POMT1: variants seen among roughly 807,000 people sequenced by gnomAD.
POMT1 encodes the protein protein O-mannosyltransferase 1.
A neutral mutation model predicts 101.6 loss-of-function variants in POMT1; 85 were observed. That is an observed-to-expected ratio of 0.84 (90% CI 0.70 to 1.00). The LOEUF (loss-of-function observed/expected upper bound fraction) is 1.00, where lower values mean the gene tolerates loss of function less well. Among genes scored for constraint, POMT1 ranks in the 50% least tolerant of loss-of-function variants. The pLI is 0.00. For missense variants in POMT1, 857 were observed against 930.4 expected, an observed-to-expected ratio of 0.92 and a Z score of 1.03; for synonymous variants, 371 against 383.0, an observed-to-expected ratio of 0.97 and a Z score of 0.37.
intron 17 of POMT1, 41 bp downstream of exon 17, chr9:131,520,234 C>A (rs1240155366): frequency 6.6e-7 from 1 of 1,524,346 alleles, no homozygotes; most frequent in East Asian, 2.3e-5. Context: ...ATAGATTCAT[C>A]CTGTTTCTTG....
chr9:131,512,591 C>T (rs889304758), intron 11 of POMT1, among the ~76,000 whole-genome samples: 26 of 152,074 alleles, frequency 1.7e-4, no homozygotes, highest in Admixed American at 1.3e-4. Context: ...ACCTGCAGCC[C>T]GAGTGGGCTT....
chr9:131,523,328 T>G lies in POMT1; in HGVS notation c.*222T>G. On this transcript the variant is annotated 3_prime_UTR_variant, in exon 20 of 20. Coordinates refer to ENST00000402686, the MANE Select transcript of POMT1 (RefSeq NM_001077365.2). ...TTCTCGACAATAAAGATATTCCGTG[T>G]CTTTACCCCTGAACTAAGACACAGG... 1 of 611,760 alleles carries G rather than the reference T, an allele frequency of 1.6e-6. No homozygotes were observed. Among genetic ancestry groups the G allele is most frequent in the Non-Finnish European group, 2.9e-6 (1 of 345,316 alleles). 37.9% of individuals were successfully genotyped at this position (611,760 alleles called of 1,614,324 possible).
At chr9:131,507,215 T>G (rs1946049876) in intron 4 of POMT1, 153 bp from the exon 5 acceptor site, 1 of 1,077,418 alleles carries the variant, frequency 9.3e-7, no homozygotes, top group South Asian at 1.3e-5. Context: ...TCACCCATAG[T>G]TTATGCACTC....
chr9:131,507,545 G>T, intron 5 of POMT1, 31 bp downstream of exon 5: 1 of 1,613,204 alleles, frequency 6.2e-7, no homozygotes, highest in South Asian at 1.1e-5. Flanking sequence ...TGCTCTTGCT[G>T]TCATGCAGGG....
rs755854450 is a variant in POMT1, at chr9:131,509,803, A to G, written c.600A>G (p.Ala200=). 16 of 1,614,022 alleles carry G rather than the reference A, an allele frequency of 9.9e-6. No individual in the cohort carries two copies. The highest frequency in any genetic ancestry group is 3.3e-5 in the Admixed American group (2 of 59,994). Residue 200 remains alanine (A), a synonymous_variant, in exon 7 of 20, where the codon GCA becomes GCG. Transcript: ENST00000402686. Reference sequence around the variant, plus strand: ...TGACAGGGGTCGCTTGTTCCTGTGCAGTGGGGTGAGTTTGAGCCTCTGGTC... The same window carrying G: ...TGACAGGGGTCGCTTGTTCCTGTGCGGTGGGGTGAGTTTGAGCCTCTGGTC... The part of the protein sequence containing the change: ...LTLTGVACSC[A]VGIKYMGVFT...
chr9:131,510,579 AC>A (rs756371485), intron 9 of POMT1, 164 bp downstream of exon 9: 265 of 997,136 alleles, frequency 2.7e-4, no homozygotes, highest in Non-Finnish European at 3.6e-4. Flanking sequence ...TTACTCTGTC[AC>A]CCAAACTCCG....
chr9:131,518,707 C>A (rs574243678), intron 14 of POMT1, 130 bp from the exon 15 acceptor site: 1 of 1,507,810 alleles, frequency 6.6e-7, no homozygotes, highest in Non-Finnish European at 9.2e-7. Flanking sequence ...GGATGGAATC[C>A]CAATGTGAAT....
In POMT1 at chr9:131,504,194, C is replaced by G. The variant is rs1257298998; in HGVS notation, c.-25C>G. On this transcript the variant is annotated 5_prime_UTR_variant, in exon 2 of 20. Transcript: ENST00000402686. ...GCTCCTCCCTTCTTTTCTAGGGCGT[C>G]TGCCTGAGCCCGCTTTTCTACAAGA... 4 of 1,613,938 alleles carry G rather than the reference C, an allele frequency of 2.5e-6. No homozygotes were observed. The African/African-American group carries it at 5.3e-5, about 22-fold the overall frequency.
rs1588507180 is a variant in POMT1 at position 131,522,504 on chromosome 9, C to G, written c.2003+280C>G. 1 of 608,172 alleles carries G rather than the reference C, an allele frequency of 1.6e-6. No individual in the cohort carries two copies. The highest frequency in any genetic ancestry group is 3.1e-5 in the East Asian group (1 of 32,302). 37.7% of individuals were successfully genotyped at this position (608,172 alleles called of 1,614,324 possible). On this transcript the variant is annotated intron_variant, in intron 19 of 19. Coordinates refer to ENST00000402686, the MANE Select transcript of POMT1 (RefSeq NM_001077365.2). This position sits in a 1 kb window ranked among gnomAD's most constrained non-coding sequence, Gnocchi z 5.5. ...GTGGGTGGCCTGGAGGATTCGGGAG[C>G]AGGGAGCAAGGCCCAGGAGCCTGGG...
At chr9:131,504,417 T>C in intron 2 of POMT1, 77 bp downstream of exon 2, 1 of 1,606,416 alleles carries the variant, frequency 6.2e-7, no homozygotes, top group Non-Finnish European at 8.5e-7. Context: ...CTGAATAGCA[T>C]AAATGGGAGA....
At chr9:131,505,963 G>A in intron 2 of POMT1, 151 bp from the exon 3 acceptor site, 1 of 1,033,748 alleles carries the variant, frequency 9.7e-7, no homozygotes, top group South Asian at 1.4e-5. Flanking sequence ...CTTAATATTT[G>A]GGGATGGGAA....
chr9:131,519,290 A>T lies in POMT1; in HGVS notation c.1487-99A>T. 1 of 1,229,698 alleles carries T rather than the reference A, an allele frequency of 8.1e-7. No homozygotes were observed. The highest frequency in any genetic ancestry group is 1.2e-6 in the Non-Finnish European group (1 of 862,148). The allele number at this position is 1,229,698 out of a possible 1,614,324, so 76.2% of individuals were successfully genotyped here. A position where few individuals can be genotyped will look rare whatever the true frequency, so the allele number is the denominator to read the frequency against. On this transcript the variant is annotated intron_variant, in intron 15 of 19. Transcript: ENST00000402686. The surrounding 1 kb of genome is among the most constrained non-coding windows in gnomAD (Gnocchi z 4.3). ...CGGTTCGATAAGGGGTCTTTGTTAG[A>T]AAGGCAGGAAGCCAGCTTTTTGCTG...
At chr9:131,517,184 C>T (rs191334061) in intron 13 of POMT1, among the ~76,000 whole-genome samples, 29 of 152,264 alleles carry the variant, frequency 1.9e-4, no homozygotes, top group African/African-American at 7.0e-4. Context: ...AGAGTTAGCA[C>T]CACGTCCTCA....
intron 2 of POMT1, among the ~76,000 whole-genome samples, 167 bp from the exon 3 acceptor site, chr9:131,505,947 A>G (rs1945712455): frequency 6.6e-6 from 1 of 152,186 alleles, no homozygotes; most frequent in Non-Finnish European, 1.5e-5. Context: ...GTGATGCTGT[A>G]TGCATCTTAA....
rs1335265004 is a variant in POMT1 at position 131,503,537 on chromosome 9, C to T, written c.-31+464C>T. On this transcript the variant is annotated intron_variant, in intron 1 of 19. Transcript: ENST00000402686. The surrounding 1 kb of genome is among the most constrained non-coding windows in gnomAD (Gnocchi z 4.4). Reference sequence around the variant, plus strand: ...GGGGCCTGAGGAGACCAGCGGGGCGCCAACGGCCAGATGCGGCTTTGGTGT... The same window carrying T: ...GGGGCCTGAGGAGACCAGCGGGGCGTCAACGGCCAGATGCGGCTTTGGTGT... 6.6e-6 allele frequency among the ~76,000 whole-genome samples: 1 copy of T among 152,144 alleles called. No individual in the cohort carries two copies. Among genetic ancestry groups the T allele is most frequent in the East Asian group, 1.9e-4 (1 of 5,182 alleles).
Position 131,518,553 on chromosome 9 carries a change from G to A in POMT1, c.1365+16G>A, listed in dbSNP as rs557948023. The A allele has an allele frequency of 6.8e-6, 11 of 1,606,864 alleles. No individual in the cohort carries two copies. The highest frequency in any genetic ancestry group is 1.7e-5 in the Admixed American group (1 of 60,010). On this transcript the variant is annotated intron_variant, in intron 14 of 19. Transcript: ENST00000402686. ...TGTCTTAAAGGTAAGGACACTGTCC[G>A]TGGCTTGGCCTGTCCTGAGCTGTGG...
At chr9:131,511,609 T>A in intron 10 of POMT1, 142 bp downstream of exon 10, 1 of 1,145,258 alleles carries the variant, frequency 8.7e-7, no homozygotes, top group Non-Finnish European at 1.3e-6. Context: ...TGATTGCCAG[T>A]GAGCTTCGTG....
chr9:131,521,050 G>C (rs926768511), intron 17 of POMT1: 39 of 425,774 alleles, frequency 9.2e-5, no homozygotes, highest in Non-Finnish European at 1.5e-4. Context: ...GCCACGTTGG[G>C]CAGGCTGGTC....
intron 11 of POMT1, 99 bp downstream of exon 11, chr9:131,512,235 C>T (rs1947276409): frequency 1.3e-6 from 2 of 1,545,822 alleles, no homozygotes; most frequent in African/African-American, 1.4e-5. Context: ...TTCCCTCCCT[C>T]ACTGACTCTA....
Sources: allele counts gnomAD v4.1 joint callset (sites outside exome capture counted in the v4.1 genomes callset), GRCh38; gene constraint gnomAD v4.1.1; non-coding constraint Gnocchi (gnomAD v3.1); transcripts MANE v1.5; gene names NCBI Gene and HGNC (gene_info 2026-07-23, HGNC 2026-07-21).